The following DLGAP1 variants were observed in gnomAD, a reference collection of about 807,000 sequenced individuals.
DLGAP1 encodes the protein disks large-associated protein 1.
DLGAP1 carries 11 observed loss-of-function variants against 90.8 expected under a neutral mutation model. The ratio of observed to expected loss-of-function variants is 0.12; its 90% CI spans 0.08 to 0.20. The LOEUF (loss-of-function observed/expected upper bound fraction) is 0.20. Among genes scored for constraint, DLGAP1 ranks in the 10% least tolerant of loss-of-function variants. The pLI is 1.00. For missense variants in DLGAP1, 1,050 were observed against 1,333.8 expected (o/e 0.79, Z 3.31); for synonymous variants, 558 against 540.7 (o/e 1.03, Z -0.44).
chr18:4,226,699 CAG>C (rs2078196710), intron 1 of DLGAP1, among the ~76,000 whole-genome samples: 4 of 119,140 alleles, frequency 3.4e-5, no homozygotes, highest in Admixed American at 3.3e-4. Flanking sequence ...AAAAAAAAAA[CAG>C]TGTATACACA....
chr18:4,056,532 T>C (rs962126417), intron 2 of DLGAP1, among the ~76,000 whole-genome samples: 1 of 152,212 alleles, frequency 6.6e-6, no homozygotes, highest in Non-Finnish European at 1.5e-5. Flanking sequence ...TGTATTAGCA[T>C]TGGTCTTCCT....
At chr18:3,880,731 T>C (rs2148827611) in intron 3 of DLGAP1, among the ~76,000 whole-genome samples, 1 of 151,766 alleles carries the variant, frequency 6.6e-6, no homozygotes, top group East Asian at 2.0e-4. Context: ...TCACCTGAGG[T>C]CAGGAGTTTG....
intron 1 of DLGAP1, among the ~76,000 whole-genome samples, chr18:4,198,679 C>A (rs960360733): frequency 6.6e-6 from 1 of 152,140 alleles, no homozygotes; most frequent in Non-Finnish European, 1.5e-5. Context: ...TCTTTAACAT[C>A]ATTTAATCTG....
chr18:4,184,627 T>C (rs2144684338), intron 1 of DLGAP1, among the ~76,000 whole-genome samples: 1 of 152,208 alleles, frequency 6.6e-6, no homozygotes, highest in South Asian at 2.1e-4. Flanking sequence ...CTACCCAGGA[T>C]CCTACTACTT....
intron 1 of DLGAP1, among the ~76,000 whole-genome samples, chr18:4,351,209 G>C (rs905883369): frequency 2.6e-5 from 4 of 152,132 alleles, no homozygotes; most frequent in African/African-American, 9.7e-5. Context: ...AATTGTTAGC[G>C]TGTTTGCTGT....
intron 7 of DLGAP1, among the ~76,000 whole-genome samples, chr18:3,680,820 T>C (rs12605332): frequency 0.12 from 17,576 of 148,734 alleles, 1,216 homozygotes; most frequent in Non-Finnish European, 0.15. Context: ...GGAAAAATAC[T>C]GTTTGACTCA....
chr18:3,792,694 C>A (rs1278998022), intron 5 of DLGAP1, among the ~76,000 whole-genome samples: 1 of 152,164 alleles, frequency 6.6e-6, no homozygotes, highest in Non-Finnish European at 1.5e-5. Context: ...GCGGCCACAC[C>A]TCACCATACA....
chr18:3,612,502 C>A (rs2057683825), intron 7 of DLGAP1, among the ~76,000 whole-genome samples: 1 of 152,226 alleles, frequency 6.6e-6, no homozygotes, highest in Non-Finnish European at 1.5e-5. Context: ...CTAACTTCTA[C>A]ACCAACGTGG....
At chr18:3,784,250 T>C (rs1267547127) in intron 5 of DLGAP1, among the ~76,000 whole-genome samples, 2 of 152,194 alleles carry the variant, frequency 1.3e-5, no homozygotes, top group Non-Finnish European at 2.9e-5. Flanking sequence ...TCCCCCGAGT[T>C]GGCCTGTTTA....
chr18:3,769,106 A>T lies in DLGAP1; in HGVS notation c.1173-26594T>A, dbSNP rs867146309. Among the ~76,000 whole-genome samples, 26 of 152,280 alleles carry T rather than the reference A, an allele frequency of 1.7e-4. No homozygotes were observed. In the Middle Eastern group the frequency reaches 0.01, roughly 60 times the overall value. ...GCAATCCAATTAGATAATGGGCAAA[A>T]CTCATGAAGAAACACTTCACAGATA... On this transcript the variant is annotated intron_variant, in intron 5 of 12. Coordinates refer to ENST00000315677, the MANE Select transcript of DLGAP1 (RefSeq NM_004746.4).
At chr18:3,772,359 T>TCTTTCTTG (rs1568108858) in intron 5 of DLGAP1, among the ~76,000 whole-genome samples, 2 of 4,410 alleles carry the variant, frequency 4.5e-4, no homozygotes, top group African/African-American at 9.8e-4. Context: ...TTTCTTTCTT[T>TCTTTCTTG]CTTTCTTTCT....
chr18:3,582,339 A>G, intron 7 of DLGAP1, 91 bp from the exon 8 acceptor site: 1 of 1,521,160 alleles, frequency 6.6e-7, no homozygotes, highest in South Asian at 1.3e-5. Flanking sequence ...ATTAGGGCAC[A>G]TGAAACACAC....
chr18:3,692,352 G>A (rs407864), intron 7 of DLGAP1, among the ~76,000 whole-genome samples: 44,666 of 152,050 alleles, frequency 0.29, 8,063 homozygotes, highest in African/African-American at 0.5. Context: ...GTGCAGCCAA[G>A]GCATATTATG....
intron 1 of DLGAP1, among the ~76,000 whole-genome samples, chr18:4,254,840 A>G (rs2078855707): frequency 6.6e-6 from 1 of 152,230 alleles, no homozygotes; most frequent in Non-Finnish European, 1.5e-5. Context: ...ATAAGACAGG[A>G]CCTGAAGTAG....
intron 5 of DLGAP1, among the ~76,000 whole-genome samples, chr18:3,807,887 A>T (rs2066642723): frequency 6.6e-6 from 1 of 152,166 alleles, no homozygotes; most frequent in Non-Finnish European, 1.5e-5. Flanking sequence ...CATTGTAGAG[A>T]CTTTTCAGTC....
intron 1 of DLGAP1, among the ~76,000 whole-genome samples, chr18:4,190,994 T>G (rs1424514774): frequency 6.6e-6 from 1 of 152,162 alleles, no homozygotes; most frequent in African/African-American, 2.4e-5. Flanking sequence ...TAAAGGAGTC[T>G]TTTCATTAAT....
rs1555621484 is a variant in DLGAP1 at position 4,454,406 on chromosome 18, TTC to T, written c.-267+598_-267+599del. ...CAGTGACCTCCTCCTTGGACCCCAT[TTC>T]TCTCTCTCTCTCTCTCTCTGTGCCT... On this transcript the variant is annotated intron_variant, in intron 1 of 12. Coordinates refer to ENST00000315677, the MANE Select transcript of DLGAP1 (RefSeq NM_004746.4). This position sits in a 1 kb window ranked among gnomAD's most constrained non-coding sequence, Gnocchi z 4.7. 9.6e-3 allele frequency among the ~76,000 whole-genome samples: 1,445 copies of T among 150,470 alleles called. 23 individuals are homozygous for T. The highest frequency in any genetic ancestry group is 0.034 in the African/African-American group (1,378 of 41,106).
chr18:4,432,504 T>C (rs952960496), intron 1 of DLGAP1, among the ~76,000 whole-genome samples: 1 of 152,044 alleles, frequency 6.6e-6, no homozygotes, highest in Non-Finnish European at 1.5e-5. Flanking sequence ...AAATTATATA[T>C]ATTTACAGTG....
intron 1 of DLGAP1, among the ~76,000 whole-genome samples, chr18:4,370,273 G>C (rs1729249749): frequency 6.6e-6 from 1 of 152,158 alleles, no homozygotes; most frequent in African/African-American, 2.4e-5. Context: ...GCAAGGGAAA[G>C]AAAAGCAGGA....
Sources: allele counts gnomAD v4.1 joint callset (sites outside exome capture counted in the v4.1 genomes callset), GRCh38; gene constraint gnomAD v4.1.1; non-coding constraint Gnocchi (gnomAD v3.1); transcripts MANE v1.5; gene names NCBI Gene and HGNC (gene_info 2026-07-23, HGNC 2026-07-21).